Variants in SYNPO2 observed in about 807,000 individuals in gnomAD.
The protein encoded by SYNPO2 is synaptopodin 2, also known as synaptopodin-2.
SYNPO2 carries 56 observed loss-of-function variants against 85.0 expected under a neutral mutation model. The observed-to-expected ratio is 0.66, with a 90% confidence interval of 0.53 to 0.82. SYNPO2 has a LOEUF of 0.82. Ranked by LOEUF, SYNPO2 falls within the 40% of genes least tolerant of loss-of-function variation. SYNPO2 has a pLI of 0.00. For synonymous variants in SYNPO2, 602 were observed against 591.1 expected (o/e 1.02, Z -0.27); for missense variants, 1,575 against 1,534.2 (o/e 1.03, Z -0.44).
Position 119,057,810 on chromosome 4 carries a change from A to G in SYNPO2, c.3662A>G (p.Tyr1221Cys). The G allele has an allele frequency of 6.2e-7, 1 of 1,614,062 alleles. No individual in the cohort carries two copies. Among genetic ancestry groups the G allele is most frequent in the African/African-American group, 1.3e-5 (1 of 75,018 alleles). The change falls in exon 5 of 5, where the codon TAT becomes TGT. Residue 1221 changes from tyrosine to cysteine, a missense_variant. By Grantham distance (194) the Tyr-to-Cys change is radical. Around this residue, in one of 3 missense-constraint regions of SYNPO2, gnomAD observed 1,508 missense variants for 1,446.8 expected, o/e 1.04. Coordinates refer to ENST00000307142, the MANE Select transcript of SYNPO2 (RefSeq NM_133477.3). ...SQYGSQLPYA[Y>C]YRQASRNDSA... ...TATGGTTCACAGTTGCCATATGCAT[A>G]TTATAGGCAGGCTTCAAGAAATGAT...
At position 119,058,076 on chromosome 4, in the gene SYNPO2, C is replaced by G. The variant is rs865924701; in HGVS notation, c.*142C>G. ...AAGTCATTTATCTAAGTTTGTGTTT[C>G]TGTGTGTGTGTGTGTGTGTGTATGT... On this transcript the variant is annotated 3_prime_UTR_variant, in exon 5 of 5. Transcript: ENST00000307142. The G allele has an allele frequency of 1.8e-6, 1 of 564,440 alleles. No homozygotes were observed. The highest frequency in any genetic ancestry group is 3.0e-6 in the Non-Finnish European group (1 of 328,416). 35.0% of individuals were successfully genotyped at this position (564,440 alleles called of 1,614,324 possible).
Position 119,041,836 on chromosome 4 carries a change from A to G in SYNPO2, c.3252+9809A>G, listed in dbSNP as rs186453047. Among the ~76,000 whole-genome samples the G allele has an allele frequency of 4.6e-5, 7 of 152,282 alleles. No individual in the cohort carries two copies. In the East Asian group the frequency reaches 1.2e-3, roughly 25 times the overall value. ...ATTAAGATTTCCCCACCTTAGAGAT[A>G]GCCCCACCTTAGAGATTCTGATTTA... On this transcript the variant is annotated intron_variant, in intron 4 of 4. Coordinates refer to ENST00000307142, the MANE Select transcript of SYNPO2 (RefSeq NM_133477.3).
chr4:119,031,798 C>G lies in SYNPO2; in HGVS notation c.3023C>G (p.Pro1008Arg). Reference sequence around the variant, plus strand: ...CTGGCCATGAAGCAAGCTCTTCCTCCCCGGCCAGTGAATGCTGCCTCACCT... The same window carrying G: ...CTGGCCATGAAGCAAGCTCTTCCTCGCCGGCCAGTGAATGCTGCCTCACCT... ...SALAMKQALP[P>R]RPVNAASPTN... Residue 1008 changes from proline to arginine, a missense_variant, in exon 4 of 5, where the codon CCC becomes CGC. Transcript: ENST00000307142. 6.2e-7 allele frequency: 1 copy of G among 1,614,222 alleles called. No homozygotes were observed. The highest frequency in any genetic ancestry group is 8.5e-7 in the Non-Finnish European group (1 of 1,180,034).
chr4:118,876,612 C>T (rs1731912226), intron 1 of SYNPO2, among the ~76,000 whole-genome samples: 1 of 151,780 alleles, frequency 6.6e-6, no homozygotes, highest in African/African-American at 2.4e-5. Flanking sequence ...CTCCCTCCCT[C>T]CTCCTTCTTT....
chr4:118,968,459 C>A (rs1384808048), intron 1 of SYNPO2, among the ~76,000 whole-genome samples: 1 of 152,194 alleles, frequency 6.6e-6, no homozygotes, highest in Non-Finnish European at 1.5e-5. Context: ...CCAGTCCACT[C>A]TCCCAACTCA....
intron 1 of SYNPO2, among the ~76,000 whole-genome samples, chr4:118,978,949 G>A (rs546248720): frequency 6.6e-6 from 1 of 152,116 alleles, no homozygotes; most frequent in African/African-American, 2.4e-5. Flanking sequence ...CAATAACACT[G>A]GCCCGCACAC....
At chr4:118,923,351 C>T (rs1733601598) in intron 1 of SYNPO2, among the ~76,000 whole-genome samples, 2 of 151,992 alleles carry the variant, frequency 1.3e-5, no homozygotes, top group African/African-American at 4.8e-5. Flanking sequence ...ATTGAGTACA[C>T]ATGAACACAA....
At chr4:118,906,279 A>T (rs182110343) in intron 1 of SYNPO2, among the ~76,000 whole-genome samples, 3 of 152,280 alleles carry the variant, frequency 2.0e-5, no homozygotes, top group African/African-American at 7.2e-5. Flanking sequence ...TATGTTGTAC[A>T]TGTGTGTGTT....
At chr4:118,871,959 T>C (rs796326919) in intron 1 of SYNPO2, among the ~76,000 whole-genome samples, 25 of 152,322 alleles carry the variant, frequency 1.6e-4, no homozygotes, top group African/African-American at 4.8e-4. Context: ...GAGCACAGTA[T>C]GGTTTAGTCT....
chr4:118,952,888 A>G (rs1734746128), intron 1 of SYNPO2, among the ~76,000 whole-genome samples: 2 of 152,182 alleles, frequency 1.3e-5, no homozygotes, highest in South Asian at 4.1e-4. Context: ...AATTATTATG[A>G]TACCAATTTT....
At chr4:118,885,258 T>C (rs1368206413), upstream of SYNPO2, among the ~76,000 whole-genome samples, 2 of 152,134 alleles carry the variant, frequency 1.3e-5, no homozygotes, top group Non-Finnish European at 2.9e-5. Context: ...CCTTGAAGAT[T>C]TGAACTATAG....
At chr4:118,907,589 A>G (rs1732980581) in intron 1 of SYNPO2, among the ~76,000 whole-genome samples, 1 of 152,200 alleles carries the variant, frequency 6.6e-6, no homozygotes, top group Non-Finnish European at 1.5e-5. Flanking sequence ...ATAGTGCCAC[A>G]TCTTAAAATG....
chr4:119,014,106 T>C (rs747627217), intron 1 of SYNPO2, among the ~76,000 whole-genome samples: 1 of 152,188 alleles, frequency 6.6e-6, no homozygotes, highest in Non-Finnish European at 1.5e-5. Flanking sequence ...AATCCAGCTG[T>C]CTTCTATTGA....
At chr4:118,961,104 C>CA (rs1553941454) in intron 1 of SYNPO2, among the ~76,000 whole-genome samples, 3 of 117,332 alleles carry the variant, frequency 2.6e-5, no homozygotes, top group African/African-American at 9.8e-5. Context: ...TTACCGCCCC[C>CA]CCCCCACCCC....
intron 4 of SYNPO2, chr4:119,033,178 T>TG: frequency 2.0e-6 from 2 of 985,410 alleles, no homozygotes; most frequent in Non-Finnish European, 2.4e-6. Flanking sequence ...AGGAACCCCA[T>TG]GTGTGTGGAG....
chr4:118,860,923 T>C (rs920058864), intron 1 of SYNPO2, among the ~76,000 whole-genome samples: 8 of 152,238 alleles, frequency 5.3e-5, no homozygotes, highest in Admixed American at 5.2e-4. Flanking sequence ...TAACATATTC[T>C]GGTTATTAAT....
chr4:118,908,896 A>G (rs1430196422), intron 1 of SYNPO2, among the ~76,000 whole-genome samples: 2 of 152,194 alleles, frequency 1.3e-5, no homozygotes, highest in Non-Finnish European at 2.9e-5. Context: ...TTTAGTTTTA[A>G]TATTGCTTAA....
intron 1 of SYNPO2, among the ~76,000 whole-genome samples, chr4:118,877,739 A>C (rs1458022257): frequency 6.6e-6 from 1 of 152,206 alleles, no homozygotes; most frequent in Non-Finnish European, 1.5e-5. Flanking sequence ...AAAAGGGAAC[A>C]CTTACACACT....
intron 4 of SYNPO2, chr4:119,036,866 G>T: frequency 6.2e-6 from 7 of 1,137,288 alleles, no homozygotes; most frequent in Non-Finnish European, 7.5e-6. Flanking sequence ...ATCAAGTCCT[G>T]TCAAACATTT....
Sources: allele counts gnomAD v4.1 joint callset (sites outside exome capture counted in the v4.1 genomes callset), GRCh38; gene constraint gnomAD v4.1.1; regional missense constraint gnomAD v4.1.1; transcripts MANE v1.5; gene names NCBI Gene and HGNC (gene_info 2026-07-23, HGNC 2026-07-21).